The following NLGN1 variants were observed in gnomAD, a reference collection of about 807,000 sequenced individuals.
NLGN1 encodes neuroligin-1.
NLGN1 carries 12 observed loss-of-function variants against 65.5 expected under a neutral mutation model. The observed-to-expected ratio is 0.18, with a 90% CI of 0.12 to 0.30. The LOEUF (loss-of-function observed/expected upper bound fraction) is 0.30. Among genes scored for constraint, NLGN1 ranks in the 10% least tolerant of loss-of-function variants. The pLI is 1.00. For synonymous variants in NLGN1, 350 were observed against 359.5 expected (o/e 0.97, Z 0.30); for missense variants, 750 against 1,007.1 (o/e 0.74, Z 3.46).
At chr3:174,035,399 G>A (rs139696690) in intron 4 of NLGN1, among the ~76,000 whole-genome samples, 1 of 152,280 alleles carries the variant, frequency 6.6e-6, no homozygotes, top group East Asian at 1.9e-4. Flanking sequence ...GTAGGCAAGA[G>A]ACTCAGGAAA....
At chr3:173,885,242 C>T (rs77836400) in intron 4 of NLGN1, among the ~76,000 whole-genome samples, 2,378 of 152,108 alleles carry the variant, frequency 0.016, 63 homozygotes, top group African/African-American at 0.051. Context: ...TTATTTAACG[C>T]ATTTTTATAA....
intron 3 of NLGN1, among the ~76,000 whole-genome samples, chr3:173,645,868 G>A (rs1478541200): frequency 6.6e-6 from 1 of 152,180 alleles, no homozygotes; most frequent in Non-Finnish European, 1.5e-5. Flanking sequence ...CATTCTCATG[G>A]TTGCCATTCT....
At chr3:174,211,803 A>G (rs1736629753) in intron 4 of NLGN1, among the ~76,000 whole-genome samples, 1 of 152,178 alleles carries the variant, frequency 6.6e-6, no homozygotes, top group African/African-American at 2.4e-5. Context: ...GTGCACTCAC[A>G]AACCTTGAGC....
At chr3:173,914,844 A>G (rs1024045019) in intron 4 of NLGN1, 2 of 152,194 alleles carry the variant, frequency 1.3e-5, no homozygotes, top group African/African-American at 2.4e-5. Flanking sequence ...AATAACTGTT[A>G]CAAGATTTTT....
At chr3:173,396,344 T>C (rs1017511791), upstream of NLGN1, 4 of 152,284 alleles carry the variant, frequency 2.6e-5, no homozygotes, top group Non-Finnish European at 5.9e-5. Flanking sequence ...TACATTTGGC[T>C]TGCCAAGTTT....
chr3:174,293,220 T>A, the NLGN1 span, among the ~76,000 whole-genome samples: 2 of 151,388 alleles, frequency 1.3e-5, no homozygotes, highest in African/African-American at 2.4e-5. Context: ...ATGTGGAGGT[T>A]TTTTTTGCAG....
chr3:173,709,049 G>A (rs1768506693), intron 3 of NLGN1, among the ~76,000 whole-genome samples: 1 of 152,188 alleles, frequency 6.6e-6, no homozygotes, highest in African/African-American at 2.4e-5. Context: ...AAGACACAAA[G>A]CATACCAAAT....
chr3:173,799,175 A>G (rs1027689006), intron 3 of NLGN1, among the ~76,000 whole-genome samples: 1 of 151,924 alleles, frequency 6.6e-6, no homozygotes, highest in South Asian at 2.1e-4. Context: ...GCTTACTGCT[A>G]TGTGATTGGC....
intron 4 of NLGN1, among the ~76,000 whole-genome samples, chr3:174,000,348 C>T (rs1282720335): frequency 1.3e-5 from 2 of 152,088 alleles, no homozygotes; most frequent in African/African-American, 4.8e-5. Context: ...TATTCACATT[C>T]GTTTTCATCT....
At chr3:173,496,857 G>A (rs938408698) in intron 2 of NLGN1, among the ~76,000 whole-genome samples, 4 of 151,528 alleles carry the variant, frequency 2.6e-5, no homozygotes, top group East Asian at 3.9e-4. Context: ...CTTTTTAATC[G>A]AACTCTAGGA....
intron 3 of NLGN1, among the ~76,000 whole-genome samples, chr3:173,611,274 C>A (rs111821433): frequency 3.9e-5 from 6 of 152,120 alleles, no homozygotes; most frequent in African/African-American, 1.2e-4. Flanking sequence ...GAGGTTCTCA[C>A]CGTCACTTTC....
chr3:173,928,592 G>A (rs937123603), intron 4 of NLGN1, among the ~76,000 whole-genome samples: 29 of 151,376 alleles, frequency 1.9e-4, no homozygotes, highest in African/African-American at 6.5e-4. Context: ...GTTCAACTTT[G>A]TATTTGGTAT....
chr3:174,087,104 AC>A (rs1412687691), intron 4 of NLGN1, among the ~76,000 whole-genome samples: 3 of 152,258 alleles, frequency 2.0e-5, no homozygotes, highest in Non-Finnish European at 4.4e-5. Flanking sequence ...GGAACAATAC[AC>A]ACTGGAGCCC....
At chr3:173,907,026 A>G (rs964592130) in intron 4 of NLGN1, among the ~76,000 whole-genome samples, 3 of 152,264 alleles carry the variant, frequency 2.0e-5, no homozygotes, top group South Asian at 4.1e-4. Context: ...ATTTTCCTGC[A>G]AGAAACAGTT....
At chr3:173,406,123 G>A (rs988819874) in intron 1 of NLGN1, among the ~76,000 whole-genome samples, 1 of 151,974 alleles carries the variant, frequency 6.6e-6, no homozygotes, top group Non-Finnish European at 1.5e-5. Context: ...TAAAATAACT[G>A]TTAAGCAATG....
intron 4 of NLGN1, among the ~76,000 whole-genome samples, chr3:174,149,174 A>G (rs1723875017): frequency 6.6e-6 from 1 of 152,146 alleles, no homozygotes. Flanking sequence ...TGAGGAGAAA[A>G]AACTTTCAGA....
intron 4 of NLGN1, among the ~76,000 whole-genome samples, chr3:174,198,414 C>T (rs9859521): frequency 0.21 from 31,302 of 152,112 alleles, 3,635 homozygotes; most frequent in African/African-American, 0.31. Context: ...TTGTGCTGTA[C>T]ATCCTTACAT....
intron 4 of NLGN1, among the ~76,000 whole-genome samples, chr3:174,077,737 G>T (rs1329267393): frequency 2.6e-5 from 4 of 151,980 alleles, no homozygotes; most frequent in Admixed American, 2.0e-4. Flanking sequence ...TGTATTTTTA[G>T]TAGAGACGGG....
At chr3:174,013,837 C>T (rs549704586) in intron 4 of NLGN1, among the ~76,000 whole-genome samples, 16 of 152,286 alleles carry the variant, frequency 1.1e-4, no homozygotes, top group African/African-American at 3.8e-4. Context: ...CCTCAGCCTC[C>T]CATGGAGCTG....
Sources: gnomAD v4.1 joint callset for allele counts (sites outside exome capture counted in the v4.1 genomes callset) on GRCh38, gnomAD v4.1.1 for gene constraint, MANE v1.5 for transcripts, NCBI Gene and HGNC (gene_info 2026-07-23, HGNC 2026-07-21) for gene names.